STK10: variants seen among roughly 807,000 people sequenced by gnomAD.
STK10 encodes the protein serine/threonine kinase 10.
STK10 carries 78 observed loss-of-function variants against 113.8 expected under a neutral mutation model. The observed-to-expected ratio is 0.69, with a 90% CI of 0.57 to 0.83. The LOEUF (loss-of-function observed/expected upper bound fraction) is 0.83, where lower values mean the gene tolerates loss of function less well. Among genes scored for constraint, STK10 ranks in the 40% least tolerant of loss-of-function variants. The probability of loss-of-function intolerance (pLI) is 0.00; values close to 1 mark genes in which losing one functional copy is unlikely to be tolerated. For missense variants in STK10, 1,109 were observed against 1,280.1 expected (o/e 0.87, Z 2.04); for synonymous variants, 465 against 494.7 (o/e 0.94, Z 0.80).
chr5:172,081,222 G>A (rs771595712), intron 12 of STK10, among the ~76,000 whole-genome samples: 3 of 151,852 alleles, frequency 2.0e-5, no homozygotes, highest in Admixed American at 6.6e-5. Flanking sequence ...GTGGTGGTGC[G>A]TGCCTGTAGT....
chr5:172,151,211 T>C (rs1363465939), intron 2 of STK10, among the ~76,000 whole-genome samples: 3 of 152,108 alleles, frequency 2.0e-5, no homozygotes, highest in Admixed American at 1.3e-4. Context: ...AGATCCCCAT[T>C]CTACAGTTGA....
chr5:172,130,206 T>C (rs989755226), intron 2 of STK10, among the ~76,000 whole-genome samples: 2 of 152,130 alleles, frequency 1.3e-5, no homozygotes, highest in Non-Finnish European at 2.9e-5. Flanking sequence ...TAGGATTTAC[T>C]GTAAGGAACA....
In STK10 at chr5:172,138,968, C is replaced by T. The variant is rs1254656406; in HGVS notation, c.322-11547G>A. Among the ~76,000 whole-genome samples, 7 of 152,304 alleles carry T rather than the reference C, an allele frequency of 4.6e-5. No homozygotes were observed. The East Asian group carries it at 1.3e-3, about 29-fold the overall frequency. On this transcript the variant is annotated intron_variant, in intron 2 of 18. Coordinates refer to ENST00000176763, the MANE Select transcript of STK10 (RefSeq NM_005990.4). ...GGCGGAGCTTGCAGTGAGCCAAGAT[C>T]ACACCACTGCACTCCAGTCTGGGCG...
At chr5:172,050,208 C>T (rs1767596553) in intron 18 of STK10, among the ~76,000 whole-genome samples, 2 of 152,214 alleles carry the variant, frequency 1.3e-5, no homozygotes, top group South Asian at 4.1e-4. Context: ...TAAATCCTGA[C>T]CTTCAAGGTC....
rs1769495663 is a variant in STK10 at position 172,120,820 on chromosome 5, GATATAA to G, written c.371-3196_371-3191del. On this transcript the variant is annotated intron_variant, in intron 3 of 18. Transcript: ENST00000176763. This position sits in a 1 kb window ranked among gnomAD's most constrained non-coding sequence, Gnocchi z 4.0. The stretch of plus-strand genomic sequence containing the variant: ...GTGTCTTGCTCATGTCTAATTTACT[GATATAA>G]ATGAAATAGGAATGACAAAAATACT... 2.0e-5 allele frequency among the ~76,000 whole-genome samples: 3 copies of G among 152,170 alleles called. No individual in the cohort carries two copies. In the East Asian group the frequency reaches 5.8e-4, roughly 29 times the overall value.
intron 13 of STK10, among the ~76,000 whole-genome samples, chr5:172,063,299 G>A (rs777990942): frequency 2.0e-4 from 30 of 149,784 alleles, no homozygotes; most frequent in Non-Finnish European, 3.3e-4. Flanking sequence ...TTGAAACTCC[G>A]TCTCAGATAA....
chr5:172,175,859 C>T (rs1770749935), intron 1 of STK10, among the ~76,000 whole-genome samples: 1 of 152,242 alleles, frequency 6.6e-6, no homozygotes, highest in South Asian at 2.1e-4. Context: ...GAGTAAGTCA[C>T]TGTACCTCTC....
rs1767667603 is a variant in STK10 at position 172,053,130 on chromosome 5, G to A, written c.2653-88C>T. ...CACACCTCACGCTGTGGCTACGAGG[G>A]CACCAGCATCGTTCATTTATTATTT... On this transcript the variant is annotated intron_variant, in intron 17 of 18. Coordinates refer to ENST00000176763, the MANE Select transcript of STK10 (RefSeq NM_005990.4). The A allele has an allele frequency of 4.1e-6, 4 of 965,912 alleles. No individual in the cohort carries two copies. The East Asian group carries it at 9.8e-5, about 24-fold the overall frequency. 59.8% of individuals were successfully genotyped at this position (965,912 alleles called of 1,614,324 possible). A position where few individuals can be genotyped will look rare whatever the true frequency, so the allele number is the denominator to read the frequency against.
At chr5:172,124,776 G>C (rs1230748117) in intron 3 of STK10, among the ~76,000 whole-genome samples, 1 of 152,042 alleles carries the variant, frequency 6.6e-6, no homozygotes, top group Non-Finnish European at 1.5e-5. Flanking sequence ...TATCCTGTGA[G>C]GTCAACTCTT....
rs556118508 is a variant in STK10 at position 172,135,899 on chromosome 5, C to T, written c.322-8478G>A. Among the ~76,000 whole-genome samples the T allele has an allele frequency of 2.6e-5, 4 of 152,034 alleles. No individual in the cohort carries two copies. The South Asian group carries it at 6.2e-4, about 24-fold the overall frequency. The stretch of plus-strand genomic sequence containing the variant: ...AAAATTTGCCAGGCTTGGTGGCACA[C>T]GCCTGTAATCCCAGCTACTTGGGTG... On this transcript the variant is annotated intron_variant, in intron 2 of 18. Transcript: ENST00000176763.
rs113697610 is a variant in STK10 at position 172,153,801 on chromosome 5, C to A, written c.321+2823G>T. Among the ~76,000 whole-genome samples the A allele has an allele frequency of 1.3e-3, 196 of 152,330 alleles. 1 individual carries two copies. The highest frequency in any genetic ancestry group is 4.6e-3 in the African/African-American group (191 of 41,574). ...TCAACCTGTATCTCTGGACTTCTCC[C>A]TTCTACACTTTTGCCCATTTGCTGG... On this transcript the variant is annotated intron_variant, in intron 2 of 18. Transcript: ENST00000176763.
intron 1 of STK10, among the ~76,000 whole-genome samples, chr5:172,176,829 A>T (rs985564820): frequency 1.3e-5 from 2 of 152,174 alleles, no homozygotes; most frequent in Non-Finnish European, 2.9e-5. Context: ...CATTAGAAGG[A>T]GGGGCCTTTT....
At chr5:172,073,694 C>T (rs1364854126) in intron 12 of STK10, among the ~76,000 whole-genome samples, 3 of 150,910 alleles carry the variant, frequency 2.0e-5, no homozygotes, top group African/African-American at 7.3e-5. Flanking sequence ...TGCCTATAAT[C>T]CTAGCACTTT....
chr5:172,050,625 A>G (rs1193165796), intron 18 of STK10, among the ~76,000 whole-genome samples: 1 of 152,234 alleles, frequency 6.6e-6, no homozygotes, highest in Non-Finnish European at 1.5e-5. Flanking sequence ...AAGGATATTT[A>G]CTGCCAATGA....
At chr5:172,078,583 A>G (rs1328821947) in intron 12 of STK10, among the ~76,000 whole-genome samples, 1 of 136,916 alleles carries the variant, frequency 7.3e-6, no homozygotes, top group Non-Finnish European at 1.5e-5. Context: ...GGCTGCAGTG[A>G]CCCGTGACTG....
In STK10 at chr5:172,089,427, T is replaced by G. The variant is rs577403191; in HGVS notation, c.1685+805A>C. On this transcript the variant is annotated intron_variant, in intron 10 of 18. Transcript: ENST00000176763. ...ATGGATGGATGGATGGATGGATGGA[T>G]GGATGGATGGATGGATGGATGGTTA... Among the ~76,000 whole-genome samples, 3 of 151,480 alleles carry G rather than the reference T, an allele frequency of 2.0e-5. No homozygotes were observed. The South Asian group carries it at 6.2e-4, about 31-fold the overall frequency.
intron 13 of STK10, among the ~76,000 whole-genome samples, chr5:172,062,875 T>C (rs981529350): frequency 5.3e-5 from 8 of 152,242 alleles, no homozygotes; most frequent in African/African-American, 2.4e-5. Context: ...CACTTAATAA[T>C]GGTAAAGATG....
rs1047703144 is a variant in STK10 at position 172,133,187 on chromosome 5, G to T, written c.322-5766C>A. On this transcript the variant is annotated intron_variant, in intron 2 of 18. Coordinates refer to ENST00000176763, the MANE Select transcript of STK10 (RefSeq NM_005990.4). This position sits in a 1 kb window ranked among gnomAD's most constrained non-coding sequence, Gnocchi z 4.9. ...TCTCAAAGTATGAACCTAATCTGGAGAGCTGTGTGTGCGTGTGTGCGTGTG... is the reference window on the plus strand; with the variant it reads ...TCTCAAAGTATGAACCTAATCTGGATAGCTGTGTGTGCGTGTGTGCGTGTG... Among the ~76,000 whole-genome samples, 1 of 152,174 alleles carries T rather than the reference G, an allele frequency of 6.6e-6. No homozygotes were observed. Among genetic ancestry groups the T allele is most frequent in the Non-Finnish European group, 1.5e-5 (1 of 68,032 alleles).
chr5:172,055,844 A>C (rs1489004506), intron 15 of STK10, 68 bp from the exon 16 acceptor site: 3 of 1,336,602 alleles, frequency 2.2e-6, no homozygotes, highest in Admixed American at 3.0e-5. Context: ...TCACAGGCTA[A>C]AGGTCCCCAC....
Sources: allele counts gnomAD v4.1 joint callset (sites outside exome capture counted in the v4.1 genomes callset), GRCh38; gene constraint gnomAD v4.1.1; non-coding constraint Gnocchi (gnomAD v3.1); transcripts MANE v1.5; gene names NCBI Gene and HGNC (gene_info 2026-07-23, HGNC 2026-07-21).